Variants in XDH observed in about 807,000 individuals in gnomAD.
XDH encodes the protein xanthine dehydrogenase/oxidase.
In XDH, 138 loss-of-function variants were observed where a neutral mutation model predicts 156.1. The ratio of observed to expected loss-of-function variants is 0.88; its 90% CI spans 0.77 to 1.02. The LOEUF is 1.02. Ranked by LOEUF, XDH falls within the 50% of genes least tolerant of loss-of-function variation. The probability of loss-of-function intolerance (pLI) is 0.00; values close to 1 mark genes in which losing one functional copy is unlikely to be tolerated. For missense variants in XDH, 1,849 were observed against 1,684.9 expected (o/e 1.10, Z -1.71); for synonymous variants, 669 against 625.7 (o/e 1.07, Z -1.03).
intron 6 of XDH, among the ~76,000 whole-genome samples, chr2:31,395,601 G>A (rs535556714): frequency 1.3e-5 from 2 of 152,030 alleles, no homozygotes; most frequent in South Asian, 2.1e-4. Context: ...TAGAGCACCC[G>A]CTCCATGACT....
chr2:31,376,496 G>A (rs1686247765), intron 14 of XDH, among the ~76,000 whole-genome samples: 1 of 149,278 alleles, frequency 6.7e-6, no homozygotes. Context: ...AATATTAGAA[G>A]CAGTAATGTT....
At position 31,350,043 on chromosome 2, in the gene XDH, G is replaced by A; in HGVS notation, c.2812C>T (p.Pro938Ser). ...MSEVAVTCGM[P>S]AEEVRRKNLY... ...AATTCTCAGCTTACCTCCTCTGCAG[G>A]CATCCCACAGGTCACTGCAACTTCA... The change falls in exon 25 of 36, where the codon CCT becomes TCT. Residue 938 changes from proline to serine, a missense_variant. Pro to Ser is a moderately conservative substitution (Grantham distance 74, BLOSUM62 -1). Transcript: ENST00000379416. 1 of 1,614,068 alleles carries A rather than the reference G, an allele frequency of 6.2e-7. No individual in the cohort carries two copies. Among genetic ancestry groups the A allele is most frequent in the Non-Finnish European group, 8.5e-7 (1 of 1,180,048 alleles).
chr2:31,401,110 G>A, intron 4 of XDH, 110 bp downstream of exon 4: 1 of 1,199,448 alleles, frequency 8.3e-7, no homozygotes, highest in South Asian at 1.3e-5. Context: ...CTTAGATTAA[G>A]CAGTGAAACT....
chr2:31,388,420 G>A, intron 6 of XDH, 125 bp from the exon 7 acceptor site: 5 of 1,065,026 alleles, frequency 4.7e-6, no homozygotes, highest in Admixed American at 3.7e-5. Context: ...CAACAGCAGG[G>A]GCATCCTGCC....
intron 2 of XDH, among the ~76,000 whole-genome samples, chr2:31,404,927 A>T (rs1384650944): frequency 1.3e-5 from 2 of 152,226 alleles, no homozygotes; most frequent in Non-Finnish European, 1.5e-5. Context: ...GCTGTCCCCA[A>T]ATATGTCACT....
Position 31,386,043 on chromosome 2 carries a change from G to A in XDH, c.793+371C>T, listed in dbSNP as rs78668017. 3.9e-4 allele frequency among the ~76,000 whole-genome samples: 60 copies of A among 152,310 alleles called. No individual in the cohort carries two copies. In the East Asian group the frequency reaches 0.011, roughly 28 times the overall value. On this transcript the variant is annotated intron_variant, in intron 9 of 35. Coordinates refer to ENST00000379416, the MANE Select transcript of XDH (RefSeq NM_000379.4). ...CTTCCAGAGTACCTGGCTCATGCTCGGTGCTCTGTAAATGTTTGTGGAGAG... is the reference window on the plus strand; with the variant it reads ...CTTCCAGAGTACCTGGCTCATGCTCAGTGCTCTGTAAATGTTTGTGGAGAG...
intron 9 of XDH, among the ~76,000 whole-genome samples, chr2:31,385,129 G>A (rs1299352063): frequency 1.3e-5 from 2 of 152,146 alleles, no homozygotes; most frequent in Non-Finnish European, 2.9e-5. Context: ...CCATGAGTTT[G>A]AGGTGAGCTA....
intron 1 of XDH, among the ~76,000 whole-genome samples, chr2:31,411,061 G>A (rs765371646): frequency 3.3e-5 from 5 of 151,914 alleles, no homozygotes; most frequent in Non-Finnish European, 5.9e-5. Context: ...GAGGTGGGTG[G>A]ATCACAGGTC....
rs371165471 is a variant in XDH, at chr2:31,346,706, C to T, written c.3351+63G>A. 2.2e-5 allele frequency: 35 copies of T among 1,590,212 alleles called. No individual in the cohort carries two copies. In the Middle Eastern group the frequency reaches 6.6e-4, roughly 30 times the overall value. ...TCCTATTACTTGTTCGGATTCGGAA[C>T]GGAGGCCCTGCTGTCAATTTCCCTC... On this transcript the variant is annotated intron_variant, in intron 30 of 35. Coordinates refer to ENST00000379416, the MANE Select transcript of XDH (RefSeq NM_000379.4).
rs531822830 is a variant in XDH, at chr2:31,396,805, G to A, written c.495+863C>T. 1.4e-4 allele frequency among the ~76,000 whole-genome samples: 21 copies of A among 152,294 alleles called. No homozygotes were observed. The East Asian group carries it at 4.0e-3, about 29-fold the overall frequency. On this transcript the variant is annotated intron_variant, in intron 6 of 35. Transcript: ENST00000379416. ...ACTTGTTAATTCTTCATCAGCAGCA[G>A]CATTAATCAGAGTGTGGTGTTTTCC... is the stretch of plus-strand genomic sequence containing the variant.
intron 13 of XDH, among the ~76,000 whole-genome samples, chr2:31,378,563 G>A (rs1256322101): frequency 1.3e-5 from 2 of 152,138 alleles, no homozygotes; most frequent in Non-Finnish European, 2.9e-5. Context: ...AGCTCAGCTT[G>A]CATGTCATGT....
At chr2:31,413,998 G>A (rs1687410549) in intron 1 of XDH, among the ~76,000 whole-genome samples, 1 of 152,066 alleles carries the variant, frequency 6.6e-6, no homozygotes, top group Non-Finnish European at 1.5e-5. Context: ...TAACAGATTT[G>A]CAGCTTACAT....
At chr2:31,379,787 A>G in intron 13 of XDH, 80 bp downstream of exon 13, 1 of 1,417,802 alleles carries the variant, frequency 7.1e-7, no homozygotes, top group South Asian at 1.2e-5. Context: ...TGGTCCCTGA[A>G]GCAGATTCTG....
At chr2:31,381,538 G>A (rs1255128960) in intron 12 of XDH, 95 bp downstream of exon 12, 4 of 1,290,334 alleles carry the variant, frequency 3.1e-6, no homozygotes, top group East Asian at 2.5e-5. Context: ...CTGGGTCACT[G>A]AACTTTGAGC....
chr2:31,384,939 A>G (rs1164952171), intron 9 of XDH, among the ~76,000 whole-genome samples: 1 of 152,148 alleles, frequency 6.6e-6, no homozygotes, highest in East Asian at 1.9e-4. Flanking sequence ...TATAAGAGAG[A>G]AGGGAGTGGC....
chr2:31,378,739 G>A (rs1440782110), intron 13 of XDH, among the ~76,000 whole-genome samples: 1 of 152,018 alleles, frequency 6.6e-6, no homozygotes, highest in Non-Finnish European at 1.5e-5. Context: ...CTAATTCTGG[G>A]TATTAAAATC....
At chr2:31,354,090 C>T (rs141279256) in intron 24 of XDH, among the ~76,000 whole-genome samples, 1 of 152,200 alleles carries the variant, frequency 6.6e-6, no homozygotes, top group Non-Finnish European at 1.5e-5. Context: ...GCCACCCACA[C>T]CATGATGTCC....
At chr2:31,375,294 G>A (rs985819370) in intron 15 of XDH, 86 bp downstream of exon 15, 3 of 1,557,588 alleles carry the variant, frequency 1.9e-6, no homozygotes, top group African/African-American at 2.7e-5. Flanking sequence ...ATGTCCAGAG[G>A]AGAGGAGCAA....
chr2:31,375,393 T>C lies in XDH; in HGVS notation c.1589A>G (p.Glu530Gly), dbSNP rs747343945. ...GGCCCCACTCACGTCTTCCAGGTTCTCTTGGCCCAGCTTCTGAAGGACTGT... is the reference window on the plus strand; with the variant it reads ...GGCCCCACTCACGTCTTCCAGGTTCCCTTGGCCCAGCTTCTGAAGGACTGT... ...YLTVLQKLGQ[E>G]NLEDKCGKLD... is the part of the protein sequence containing the mutation. The change falls in exon 15 of 36, where the codon GAG becomes GGG. Residue 530 changes from glutamate (E) to glycine (G), a missense_variant. Glu to Gly is a moderately conservative substitution (Grantham distance 98). Coordinates refer to ENST00000379416, the MANE Select transcript of XDH (RefSeq NM_000379.4). 6.2e-6 allele frequency: 10 copies of C among 1,614,144 alleles called. No homozygotes were observed. Among genetic ancestry groups the C allele is most frequent in the Non-Finnish European group, 7.6e-6 (9 of 1,180,032 alleles).
Sources: gnomAD v4.1 joint callset for allele counts (sites outside exome capture counted in the v4.1 genomes callset) on GRCh38, gnomAD v4.1.1 for gene constraint, MANE v1.5 for transcripts, NCBI Gene and HGNC (gene_info 2026-07-23, HGNC 2026-07-21) for gene names.